KNSTRN: variants seen among roughly 807,000 people sequenced by gnomAD.
The protein encoded by KNSTRN is small kinetochore-associated protein.
In KNSTRN, 38 loss-of-function variants were observed where a neutral mutation model predicts 44.7. That is an observed-to-expected ratio of 0.85 (90% confidence interval 0.66 to 1.11). The LOEUF is 1.11. Ranked by LOEUF, KNSTRN falls within the 50% of genes most tolerant of loss-of-function variation. KNSTRN has a pLI of 0.00. For synonymous variants in KNSTRN, 158 were observed against 148.1 expected (o/e 1.07, Z -0.48); for missense variants, 406 against 375.8 (o/e 1.08, Z -0.66).
chr15:40,387,172 A>G lies in KNSTRN; in HGVS notation c.451A>G (p.Thr151Ala), dbSNP rs766264233. 1.9e-6 allele frequency: 3 copies of G among 1,613,348 alleles called. No homozygotes were observed. Among genetic ancestry groups the G allele is most frequent in the Non-Finnish European group, 2.5e-6 (3 of 1,179,304 alleles). ...LRRENGQMKA[T>A]DTATRRNVRK... ...CTGCCCTCCTAGGCAAATGAAAGCT[A>G]CTGACACTGCCACCAGAAGGAATGT... is the stretch of plus-strand genomic sequence containing the variant. The change falls in exon 4 of 9, where the codon ACT (threonine) becomes GCT (alanine). Residue 151 changes from threonine to alanine, a missense_variant. By Grantham distance (58) the Thr-to-Ala change is moderately conservative (BLOSUM62 0). Transcript: ENST00000249776.
intron 2 of KNSTRN, among the ~76,000 whole-genome samples, chr15:40,386,149 C>T (rs546062792): frequency 6.6e-6 from 1 of 152,150 alleles, no homozygotes; most frequent in Non-Finnish European, 1.5e-5. Flanking sequence ...ATCGTTTGAA[C>T]CCAAGAGGTG....
At chr15:40,391,693 A>T in intron 7 of KNSTRN, 139 bp downstream of exon 7, 1 of 744,516 alleles carries the variant, frequency 1.3e-6, no homozygotes, top group Non-Finnish European at 2.2e-6. Context: ...GAGAAATGGG[A>T]TGTGTACTCA....
chr15:40,392,101 T>G (rs1890008921), intron 8 of KNSTRN, 78 bp downstream of exon 8: 1 of 853,244 alleles, frequency 1.2e-6, no homozygotes. Context: ...GTTTTTCTAT[T>G]TATTTTTAAT....
At chr15:40,387,609 G>C (rs1158978672) in intron 4 of KNSTRN, among the ~76,000 whole-genome samples, 1 of 152,178 alleles carries the variant, frequency 6.6e-6, no homozygotes, top group Non-Finnish European at 1.5e-5. Flanking sequence ...TCTCATCTTT[G>C]AGGCTAGTTT....
intron 6 of KNSTRN, among the ~76,000 whole-genome samples, chr15:40,390,237 G>A (rs994806195): frequency 4.6e-5 from 7 of 152,228 alleles, no homozygotes; most frequent in Admixed American, 6.5e-5. Context: ...TTTCAAGGGA[G>A]AACATTTTCT....
In KNSTRN at chr15:40,388,606, A is replaced by G. The variant is rs144989807; in HGVS notation, c.486-900A>G. Among the ~76,000 whole-genome samples the G allele has an allele frequency of 9.1e-3, 1,379 of 151,866 alleles. 20 individuals are homozygous for G. The highest frequency in any genetic ancestry group is 0.032 in the African/African-American group (1,318 of 41,372). ...GCTACTCGGGAGGCTGGGGCAGGAG[A>G]ATGGTGTGAACCCAGGAGGTGGAGC... On this transcript the variant is annotated intron_variant, in intron 4 of 8. Transcript: ENST00000249776.
In KNSTRN at chr15:40,389,924, A is replaced by G; in HGVS notation, c.680A>G (p.Asp227Gly). The stretch of plus-strand genomic sequence containing the variant: ...GCAATTTTGGAGAGCAAGGGCCTTG[A>G]TCCAGGTAAGAGACAGCACACAGCT... Reference protein sequence around the residue: ...CLAILESKGLDPALGSETLAS... With the variant: ...CLAILESKGLGPALGSETLAS... The change falls in exon 6 of 9, where the codon GAT (aspartate) becomes GGT (glycine). Residue 227 changes from aspartate (D) to glycine (G), a missense_variant. Coordinates refer to ENST00000249776, the MANE Select transcript of KNSTRN (RefSeq NM_033286.4). 6.2e-7 allele frequency: 1 copy of G among 1,613,716 alleles called. No homozygotes were observed. Among genetic ancestry groups the G allele is most frequent in the East Asian group, 2.2e-5 (1 of 44,884 alleles).
chr15:40,390,543 G>A (rs1312325630), intron 6 of KNSTRN, among the ~76,000 whole-genome samples: 2 of 152,150 alleles, frequency 1.3e-5, no homozygotes, highest in Non-Finnish European at 2.9e-5. Context: ...CAGGAAAGGG[G>A]CCCAGGCCTT....
In KNSTRN at chr15:40,382,793, C is replaced by T. The variant is rs971277170; in HGVS notation, c.-43C>T. 3 of 1,566,364 alleles carry T rather than the reference C, an allele frequency of 1.9e-6. No homozygotes were observed. In the African/African-American group the frequency reaches 4.1e-5, roughly 21 times the overall value. On this transcript the variant is annotated 5_prime_UTR_variant, in exon 1 of 9. Transcript: ENST00000249776. ...CAGACCTGGGGGCTCCAACACCTTT[C>T]GCTAGGTCTGGCTCTGGCCTCTGAG...
chr15:40,389,875 G>A lies in KNSTRN; in HGVS notation c.631G>A (p.Glu211Lys). ...KDLTQKVELL[E>K]KFRDNCLAIL... ...CCTGACCCAGAAGGTAGAGCTGCTGGAGAAGTTTCGGGACAACTGTTTGGC... is the reference window on the plus strand; with the variant it reads ...CCTGACCCAGAAGGTAGAGCTGCTGAAGAAGTTTCGGGACAACTGTTTGGC... The change falls in exon 6 of 9, where the codon GAG (glutamate) becomes AAG (lysine). Residue 211 changes from glutamate (E) to lysine (K), a missense_variant. Transcript: ENST00000249776. The A allele has an allele frequency of 1.2e-6, 2 of 1,614,202 alleles. No individual in the cohort carries two copies. The highest frequency in any genetic ancestry group is 1.7e-6 in the Non-Finnish European group (2 of 1,180,024).
At position 40,382,766 on chromosome 15, in the gene KNSTRN, C is replaced by T; in HGVS notation, c.-70C>T. 7.1e-7 allele frequency: 1 copy of T among 1,408,162 alleles called. No individual in the cohort carries two copies. The highest frequency in any genetic ancestry group is 9.8e-7 in the Non-Finnish European group (1 of 1,022,054). The allele number at this position is 1,408,162 out of a possible 1,614,324, so 87.2% of individuals were successfully genotyped here. A position where few individuals can be genotyped will look rare whatever the true frequency, so the allele number is the denominator to read the frequency against. On this transcript the variant is annotated 5_prime_UTR_variant, in exon 1 of 9. Coordinates refer to ENST00000249776, the MANE Select transcript of KNSTRN (RefSeq NM_033286.4). ...CAAATTGCATCACCCTCCTCCTCTGCCCAGACCTGGGGGCTCCAACACCTT... is the reference window on the plus strand; with the variant it reads ...CAAATTGCATCACCCTCCTCCTCTGTCCAGACCTGGGGGCTCCAACACCTT...
chr15:40,390,138 G>A (rs532136917), intron 6 of KNSTRN, among the ~76,000 whole-genome samples: 1 of 152,188 alleles, frequency 6.6e-6, no homozygotes, highest in Admixed American at 6.5e-5. Flanking sequence ...ATAGAGAGAG[G>A]GTTATCTCTT....
intron 4 of KNSTRN, among the ~76,000 whole-genome samples, chr15:40,388,317 G>T (rs1889935704): frequency 6.6e-6 from 1 of 152,222 alleles, no homozygotes; most frequent in East Asian, 1.9e-4. Flanking sequence ...AAATGGATGG[G>T]CTGAATTAAA....
intron 7 of KNSTRN, 28 bp from the exon 8 acceptor site, chr15:40,391,921 T>C: frequency 6.3e-7 from 1 of 1,580,034 alleles, no homozygotes; most frequent in Non-Finnish European, 8.6e-7. Flanking sequence ...TATGAAGATT[T>C]GTTTACTACA....
At chr15:40,388,286 A>G (rs1889935121) in intron 4 of KNSTRN, among the ~76,000 whole-genome samples, 2 of 152,234 alleles carry the variant, frequency 1.3e-5, no homozygotes, top group South Asian at 4.1e-4. Context: ...TAGTAAATTA[A>G]CTAAAAGTAT....
At position 40,393,093 on chromosome 15, in the gene KNSTRN, T is replaced by C. The variant is rs1890029428; in HGVS notation, c.823-376T>C. 5 of 1,236,362 alleles carry C rather than the reference T, an allele frequency of 4.0e-6. No individual in the cohort carries two copies. The Admixed American group carries it at 9.1e-5, about 23-fold the overall frequency. 76.6% of individuals were successfully genotyped at this position (1,236,362 alleles called of 1,614,324 possible). ...GTGTAACACAGTAGGTTGCTCAGAGTTGGGAATTGAGAACTATATGTAATC... is the reference window on the plus strand; with the variant it reads ...GTGTAACACAGTAGGTTGCTCAGAGCTGGGAATTGAGAACTATATGTAATC... On this transcript the variant is annotated intron_variant, in intron 8 of 8. Transcript: ENST00000249776.
chr15:40,383,342 C>T lies in KNSTRN; in HGVS notation c.304+20C>T. On this transcript the variant is annotated intron_variant, in intron 2 of 8. Transcript: ENST00000249776. ...CGGCAGGTGAGGGTCCAAGCCACGC[C>T]CGGGGCACTGCGGCCTGGCCGGGGA... 1 of 1,588,620 alleles carries T rather than the reference C, an allele frequency of 6.3e-7. No homozygotes were observed. The highest frequency in any genetic ancestry group is 1.1e-5 in the South Asian group (1 of 90,484).
At position 40,382,925 on chromosome 15, in the gene KNSTRN, C is replaced by A. The variant is rs755806225; in HGVS notation, c.90C>A (p.Ser30Arg). 5.0e-6 allele frequency: 8 copies of A among 1,612,304 alleles called. No homozygotes were observed. The highest frequency in any genetic ancestry group is 5.9e-6 in the Non-Finnish European group (7 of 1,180,026). Residue 30 changes from serine to arginine, a missense_variant, in exon 1 of 9, where the codon AGC becomes AGA. Physicochemically the swap from Ser to Arg is moderately radical, Grantham distance 110. Coordinates refer to ENST00000249776, the MANE Select transcript of KNSTRN (RefSeq NM_033286.4). ...TECDSHPLPP[S>R]YRKFLFETQA... ...GCGATTCCCACCCACTTCCGCCTAG[C>A]TACCGGAAGTTTCTATTTGAAACCC...
chr15:40,387,323 C>T, intron 4 of KNSTRN, 117 bp downstream of exon 4: 1 of 847,918 alleles, frequency 1.2e-6, no homozygotes, highest in Non-Finnish European at 2.0e-6. Flanking sequence ...TGGGTTCCAC[C>T]TCAGGAACCT....
Sources: allele counts gnomAD v4.1 joint callset (sites outside exome capture counted in the v4.1 genomes callset), GRCh38; gene constraint gnomAD v4.1.1; transcripts MANE v1.5; gene names NCBI Gene and HGNC (gene_info 2026-07-23, HGNC 2026-07-21).